The following UBE3D variants were observed in gnomAD, a reference collection of about 807,000 sequenced individuals.
UBE3D encodes the protein E3 ubiquitin-protein ligase E3D.
In UBE3D, 48 loss-of-function variants were observed where a neutral mutation model predicts 49.6. The observed-to-expected ratio is 0.97, with a 90% CI of 0.77 to 1.23. The LOEUF (loss-of-function observed/expected upper bound fraction) is 1.23, where lower values mean the gene tolerates loss of function less well. Among genes scored for constraint, UBE3D ranks in the 50% most tolerant of loss-of-function variants. The pLI, the probability that UBE3D is intolerant of heterozygous loss-of-function variation, is 0.00. For missense variants in UBE3D, 452 were observed against 468.4 expected (o/e 0.96, Z 0.32); for synonymous variants, 189 against 174.2 (o/e 1.08, Z -0.67).
intron 8 of UBE3D, among the ~76,000 whole-genome samples, chr6:82,980,689 A>C (rs1778054798): frequency 6.6e-6 from 1 of 151,862 alleles, no homozygotes; most frequent in Non-Finnish European, 1.5e-5. Flanking sequence ...TTTTCTTCTC[A>C]TATTTTTATA....
chr6:82,925,859 G>T (rs894308519), intron 9 of UBE3D, among the ~76,000 whole-genome samples: 1 of 151,842 alleles, frequency 6.6e-6, no homozygotes, highest in East Asian at 1.9e-4. Context: ...TCCATTCCTT[G>T]GTTCTATACT....
intron 8 of UBE3D, among the ~76,000 whole-genome samples, chr6:82,963,488 T>C (rs572396504): frequency 6.6e-6 from 1 of 152,272 alleles, no homozygotes; most frequent in Admixed American, 6.5e-5. Flanking sequence ...CAATAGGCTG[T>C]TTGCAAGCTG....
At chr6:82,926,565 A>G (rs1773764740) in intron 9 of UBE3D, among the ~76,000 whole-genome samples, 1 of 152,168 alleles carries the variant, frequency 6.6e-6, no homozygotes, top group Admixed American at 6.5e-5. Context: ...CCAGCAATCA[A>G]TGAGCATTTC....
At chr6:83,021,439 C>A (rs1477247375) in intron 7 of UBE3D, among the ~76,000 whole-genome samples, 1 of 150,248 alleles carries the variant, frequency 6.7e-6, no homozygotes, top group African/African-American at 2.5e-5. Context: ...AAGACCTTGT[C>A]TCAAAAAAAC....
intron 9 of UBE3D, among the ~76,000 whole-genome samples, chr6:82,953,290 G>A (rs2127769387): frequency 6.6e-6 from 1 of 152,342 alleles, no homozygotes; most frequent in African/African-American, 2.4e-5. Context: ...CCAGTACCCA[G>A]AGAGTCCCAT....
chr6:82,899,580 A>G (rs1771579914), intron 9 of UBE3D, among the ~76,000 whole-genome samples: 1 of 152,222 alleles, frequency 6.6e-6, no homozygotes, highest in Non-Finnish European at 1.5e-5. Context: ...GATGAGAAGT[A>G]CTTTAAGAGA....
chr6:82,923,951 A>C (rs527243913), intron 9 of UBE3D, among the ~76,000 whole-genome samples: 3 of 152,264 alleles, frequency 2.0e-5, no homozygotes, highest in Admixed American at 6.5e-5. Context: ...AAAAGTAAAA[A>C]AACAAATTTC....
downstream of UBE3D, among the ~76,000 whole-genome samples, chr6:82,891,447 T>G (rs1770976632): frequency 6.6e-6 from 1 of 152,216 alleles, no homozygotes; most frequent in Non-Finnish European, 1.5e-5. Context: ...AAAGTCAGCA[T>G]GATGTTTGGG....
the UBE3D span, among the ~76,000 whole-genome samples, chr6:82,885,426 TG>T: frequency 6.6e-6 from 1 of 152,176 alleles, no homozygotes; most frequent in Admixed American, 6.5e-5. Flanking sequence ...GTATCTAAAA[TG>T]TATTGCACAC....
At chr6:82,942,839 G>A (rs1160473665) in intron 9 of UBE3D, among the ~76,000 whole-genome samples, 1 of 152,230 alleles carries the variant, frequency 6.6e-6, no homozygotes, top group Admixed American at 6.5e-5. Context: ...GAAATGTGGG[G>A]TCTGAGCCCC....
chr6:82,941,864 C>T (rs1582415951), intron 9 of UBE3D, among the ~76,000 whole-genome samples: 2 of 152,230 alleles, frequency 1.3e-5, no homozygotes, highest in South Asian at 4.1e-4. Flanking sequence ...CCAAGCCATA[C>T]AGAACTGTGA....
intron 9 of UBE3D, among the ~76,000 whole-genome samples, chr6:82,904,609 G>C (rs963975414): frequency 5.3e-5 from 8 of 152,170 alleles, no homozygotes; most frequent in African/African-American, 1.9e-4. Flanking sequence ...AAATGGAAGA[G>C]CTTAATATTA....
chr6:82,977,904 C>G (rs569998898), intron 8 of UBE3D, among the ~76,000 whole-genome samples: 56 of 152,222 alleles, frequency 3.7e-4, no homozygotes, highest in Admixed American at 1.4e-3. Flanking sequence ...CTATAGGACC[C>G]AGACTCATCA....
chr6:83,057,586 T>C lies in UBE3D; in HGVS notation c.274+240A>G, dbSNP rs192120704. 5.9e-5 allele frequency among the ~76,000 whole-genome samples: 9 copies of C among 152,316 alleles called. No individual in the cohort carries two copies. In the East Asian group the frequency reaches 1.5e-3, roughly 26 times the overall value. ...GCAGTGGGTAAATGGGAAATCTCTA[T>C]ACTTTCTGCTCAATTTTGCTGTGGG... is the stretch of plus-strand genomic sequence containing the variant. On this transcript the variant is annotated intron_variant, in intron 2 of 9. Transcript: ENST00000369747.
chr6:82,995,775 A>G (rs766950952), intron 8 of UBE3D, among the ~76,000 whole-genome samples: 9 of 152,110 alleles, frequency 5.9e-5, no homozygotes, highest in Non-Finnish European at 1.2e-4. Context: ...TTAACCTTTA[A>G]AAACATCAGT....
chr6:83,039,707 C>T (rs913284030), intron 4 of UBE3D, among the ~76,000 whole-genome samples: 3 of 151,992 alleles, frequency 2.0e-5, no homozygotes, highest in South Asian at 2.1e-4. Context: ...TGCAGTGGCG[C>T]GACCTTGGCT....
chr6:82,959,136 G>C (rs997513030), intron 8 of UBE3D, among the ~76,000 whole-genome samples: 11 of 151,426 alleles, frequency 7.3e-5, no homozygotes, highest in Non-Finnish European at 1.6e-4. Context: ...TGCAGGAAAA[G>C]ACAAACCATG....
chr6:83,015,917 G>T (rs1427785629), intron 8 of UBE3D, among the ~76,000 whole-genome samples: 10 of 152,296 alleles, frequency 6.6e-5, no homozygotes, highest in South Asian at 2.1e-4. Context: ...TGGCAAGAAA[G>T]TTTCATTGGA....
intron 9 of UBE3D, among the ~76,000 whole-genome samples, chr6:82,902,213 A>G (rs1322198027): frequency 6.6e-6 from 1 of 152,216 alleles, no homozygotes; most frequent in African/African-American, 2.4e-5. Context: ...GAGTAGAGCC[A>G]TTCGAGAAAA....
Sources: gnomAD v4.1 joint callset for allele counts (sites outside exome capture counted in the v4.1 genomes callset) on GRCh38, gnomAD v4.1.1 for gene constraint, MANE v1.5 for transcripts, NCBI Gene and HGNC (gene_info 2026-07-23, HGNC 2026-07-21) for gene names.